Variants in SNX25 observed in about 807,000 individuals in gnomAD.
The protein encoded by SNX25 is sorting nexin-25.
A neutral mutation model predicts 113.7 loss-of-function variants in SNX25; 62 were observed. That is an observed-to-expected ratio of 0.55 (90% confidence interval 0.44 to 0.67). The LOEUF is 0.67. Among genes scored for constraint, SNX25 ranks in the 30% least tolerant of loss-of-function variants. The pLI is 0.00. For synonymous variants in SNX25, 421 were observed against 436.2 expected, an observed-to-expected ratio of 0.97 and a Z score of 0.43; for missense variants, 1,014 against 1,161.0, an observed-to-expected ratio of 0.87 and a Z score of 1.84.
intron 6 of SNX25, among the ~76,000 whole-genome samples, chr4:185,290,624 A>C (rs1462085990): frequency 6.6e-6 from 1 of 150,924 alleles, no homozygotes; most frequent in African/African-American, 2.4e-5. Flanking sequence ...AAATTTTAGC[A>C]TGAGAATGTG....
chr4:185,210,211 T>C lies in SNX25; in HGVS notation c.385T>C (p.Trp129Arg). 2.0e-6 allele frequency: 2 copies of C among 984,440 alleles called. No individual in the cohort carries two copies. The highest frequency in any genetic ancestry group is 3.5e-5 in the African/African-American group (2 of 57,078). 61.0% of individuals were successfully genotyped at this position (984,440 alleles called of 1,614,324 possible). A position where few individuals can be genotyped will look rare whatever the true frequency, so the allele number is the denominator to read the frequency against. The part of the protein sequence containing the change: ...RAQPPDFAAA[W>R]SRLAATSAAR... Reference sequence around the variant, plus strand: ...CCAGCCGCCCGACTTCGCCGCCGCCTGGAGCCGGCTGGCCGCGACCTCAGC... The same window carrying C: ...CCAGCCGCCCGACTTCGCCGCCGCCCGGAGCCGGCTGGCCGCGACCTCAGC... Residue 129 changes from tryptophan (W) to arginine (R), a missense_variant, in exon 1 of 19, where the codon TGG becomes CGG. Transcript: ENST00000652585. This position sits in a 1 kb window ranked among gnomAD's most constrained non-coding sequence, Gnocchi z 4.4.
intron 8 of SNX25, among the ~76,000 whole-genome samples, chr4:185,321,245 C>T (rs2095117223): frequency 6.6e-6 from 1 of 151,010 alleles, no homozygotes; most frequent in Non-Finnish European, 1.5e-5. Flanking sequence ...ATGTTTTATA[C>T]TTTGCCTTTC....
At chr4:185,274,154 G>A (rs1423898774) in intron 5 of SNX25, among the ~76,000 whole-genome samples, 2 of 149,934 alleles carry the variant, frequency 1.3e-5, no homozygotes, top group African/African-American at 2.5e-5. Flanking sequence ...TCCACCTCCC[G>A]GGTTCAAACG....
chr4:185,240,550 G>A (rs1743664468), intron 1 of SNX25, among the ~76,000 whole-genome samples: 1 of 150,936 alleles, frequency 6.6e-6, no homozygotes, highest in African/African-American at 2.4e-5. Context: ...CTCCTGGACA[G>A]GGCGGCTGGC....
At chr4:185,279,891 T>G (rs969100980) in intron 5 of SNX25, among the ~76,000 whole-genome samples, 18 of 152,082 alleles carry the variant, frequency 1.2e-4, no homozygotes, top group Non-Finnish European at 2.2e-4. Context: ...TGTTGTTGTT[T>G]TGTTGTTTTT....
chr4:185,359,387 G>T (rs2095352290), intron 16 of SNX25, among the ~76,000 whole-genome samples: 1 of 151,612 alleles, frequency 6.6e-6, no homozygotes, highest in Admixed American at 6.6e-5. Flanking sequence ...TTGTTTAGTT[G>T]ACCTAAGTAT....
chr4:185,319,100 AT>A (rs70962561), intron 7 of SNX25, among the ~76,000 whole-genome samples: 2,440 of 116,576 alleles, frequency 0.021, 32 homozygotes, highest in South Asian at 0.06. Context: ...TATTTTTTTT[AT>A]TTTTTTTTTT....
intron 2 of SNX25, among the ~76,000 whole-genome samples, chr4:185,249,376 A>T (rs1028884091): frequency 2.0e-5 from 3 of 152,148 alleles, no homozygotes; most frequent in Admixed American, 1.3e-4. Flanking sequence ...GCATACCCCT[A>T]CTGACTATGA....
intron 6 of SNX25, among the ~76,000 whole-genome samples, chr4:185,305,606 T>C (rs181539749): frequency 6.6e-6 from 1 of 152,334 alleles, no homozygotes; most frequent in African/African-American, 2.4e-5. Flanking sequence ...AATTATATCA[T>C]GGGCAGGGGA....
chr4:185,319,698 A>G (rs1038742325), intron 7 of SNX25, among the ~76,000 whole-genome samples: 6 of 152,194 alleles, frequency 3.9e-5, no homozygotes, highest in African/African-American at 1.4e-4. Context: ...TCTGGTTTAC[A>G]ATGCCAAATA....
intron 7 of SNX25, among the ~76,000 whole-genome samples, chr4:185,314,604 A>G (rs1029661198): frequency 1.3e-5 from 2 of 152,132 alleles, no homozygotes; most frequent in African/African-American, 4.8e-5. Flanking sequence ...TCACGCCTGT[A>G]ATCCCAACAC....
At chr4:185,237,702 G>T (rs1181394086) in intron 1 of SNX25, among the ~76,000 whole-genome samples, 1 of 151,628 alleles carries the variant, frequency 6.6e-6, no homozygotes, top group African/African-American at 2.4e-5. Context: ...TTGTAATAAC[G>T]TTGAATTAGT....
chr4:185,357,987 G>C (rs547399341), intron 16 of SNX25, among the ~76,000 whole-genome samples: 4 of 152,334 alleles, frequency 2.6e-5, no homozygotes, highest in African/African-American at 9.6e-5. Context: ...CGAGGGTCAG[G>C]AGGTTGTACT....
intron 15 of SNX25, among the ~76,000 whole-genome samples, chr4:185,355,302 A>G (rs1440469027): frequency 6.6e-6 from 1 of 152,182 alleles, no homozygotes; most frequent in Non-Finnish European, 1.5e-5. Flanking sequence ...CTAAGAGAAT[A>G]TATAATGTCA....
chr4:185,374,245 A>C, downstream of SNX25: 1 of 1,614,124 alleles, frequency 6.2e-7, no homozygotes, highest in Non-Finnish European at 8.5e-7. Flanking sequence ...CACAGTCTAC[A>C]AGAGAAAGTG....
chr4:185,343,875 T>G (rs1237687438), intron 12 of SNX25, among the ~76,000 whole-genome samples: 2 of 152,102 alleles, frequency 1.3e-5, no homozygotes, highest in Non-Finnish European at 2.9e-5. Flanking sequence ...AGAGTGAGAT[T>G]TTACTATCCA....
chr4:185,372,979 G>A (rs150958039), downstream of SNX25: 18 of 1,613,808 alleles, frequency 1.1e-5, no homozygotes, highest in African/African-American at 1.1e-4. Flanking sequence ...GGCAGCTTCC[G>A]TATCCTGCCG....
At chr4:185,241,959 C>T (rs923018382) in intron 1 of SNX25, among the ~76,000 whole-genome samples, 2 of 152,118 alleles carry the variant, frequency 1.3e-5, no homozygotes, top group Non-Finnish European at 2.9e-5. Context: ...CTCAGAGCCA[C>T]AGGAATTTAT....
At chr4:185,358,592 G>C (rs1352714956) in intron 16 of SNX25, among the ~76,000 whole-genome samples, 2 of 152,190 alleles carry the variant, frequency 1.3e-5, no homozygotes, top group Non-Finnish European at 2.9e-5. Flanking sequence ...TGTTGGTGAA[G>C]AAGTGGAACC....
Sources: gnomAD v4.1 joint callset for allele counts (sites outside exome capture counted in the v4.1 genomes callset) on GRCh38, gnomAD v4.1.1 for gene constraint, Gnocchi (gnomAD v3.1) non-coding constraint, MANE v1.5 for transcripts, NCBI Gene and HGNC (gene_info 2026-07-23, HGNC 2026-07-21) for gene names.